Variants in CDH6 observed in about 807,000 individuals in gnomAD.
CDH6 encodes the protein cadherin 6.
Under a neutral mutation model 78.0 loss-of-function variants are expected in CDH6, and 31 were observed. The ratio of observed to expected loss-of-function variants is 0.40; its 90% CI spans 0.30 to 0.54. The LOEUF (loss-of-function observed/expected upper bound fraction) is 0.54. CDH6 is among the 20% of genes least tolerant of loss of function. The pLI is 0.56. For missense variants in CDH6, 724 were observed against 975.9 expected, an observed-to-expected ratio of 0.74 and a Z score of 3.44; for synonymous variants, 376 against 368.8, an observed-to-expected ratio of 1.02 and a Z score of -0.23.
At chr5:31,198,062 T>A (rs1297778160) in intron 1 of CDH6, among the ~76,000 whole-genome samples, 1 of 152,088 alleles carries the variant, frequency 6.6e-6, no homozygotes, top group Non-Finnish European at 1.5e-5. Flanking sequence ...TTCAAAGAAG[T>A]GGTGCATTCA....
At chr5:31,318,299 C>A in intron 11 of CDH6, 1 of 410,600 alleles carries the variant, frequency 2.4e-6, no homozygotes, top group South Asian at 6.4e-5. Context: ...ATGATGAGGG[C>A]CCTTTCTATA....
At chr5:31,309,317 T>C (rs1738082850) in intron 7 of CDH6, among the ~76,000 whole-genome samples, 1 of 152,188 alleles carries the variant, frequency 6.6e-6, no homozygotes, top group African/African-American at 2.4e-5. Context: ...AGATAAAATA[T>C]ATTGTTCATT....
chr5:31,274,597 A>G (rs1211865606), intron 2 of CDH6, among the ~76,000 whole-genome samples: 1 of 152,220 alleles, frequency 6.6e-6, no homozygotes, highest in African/African-American at 2.4e-5. Context: ...AGGCAGGCAT[A>G]TCACTTGAGG....
At chr5:31,229,115 C>T (rs1246353427) in intron 1 of CDH6, among the ~76,000 whole-genome samples, 6 of 152,308 alleles carry the variant, frequency 3.9e-5, no homozygotes, top group East Asian at 3.9e-4. Flanking sequence ...ACTGCCCAAA[C>T]TATATCATTT....
rs188353947 is a variant in CDH6 at position 31,321,509 on chromosome 5, T to C, written c.1883-1309T>C. ...AAAATGGGGTTTTAATGATGGTATC[T>C]ACTTGTAGGGCTATTATGATAATTA... On this transcript the variant is annotated intron_variant, in intron 11 of 11. Transcript: ENST00000265071. 5.3e-5 allele frequency among the ~76,000 whole-genome samples: 8 copies of C among 152,324 alleles called. No homozygotes were observed. The East Asian group carries it at 1.3e-3, about 26-fold the overall frequency.
At position 31,297,175 on chromosome 5, in the gene CDH6, G is replaced by A. The variant is rs940299792; in HGVS notation, c.524-114G>A. ...CACCCAGCATCCTACCAAAGTTCTC[G>A]ACTTCCTCAGCATGATATTTCCATA... On this transcript the variant is annotated intron_variant, in intron 3 of 11. Coordinates refer to ENST00000265071, the MANE Select transcript of CDH6 (RefSeq NM_004932.4). 43 of 878,600 alleles carry A rather than the reference G, an allele frequency of 4.9e-5. No homozygotes were observed. The African/African-American group carries it at 6.3e-4, about 13-fold the overall frequency. 54.4% of individuals were successfully genotyped at this position (878,600 alleles called of 1,614,324 possible). A position where few individuals can be genotyped will look rare whatever the true frequency, so the allele number is the denominator to read the frequency against.
intron 1 of CDH6, among the ~76,000 whole-genome samples, chr5:31,258,491 G>A (rs368238723): frequency 3.3e-5 from 5 of 152,276 alleles, no homozygotes; most frequent in Non-Finnish European, 5.9e-5. Flanking sequence ...CTGTTTGTGG[G>A]TGAGGGGCTA....
At chr5:31,206,605 G>A (rs1285498635) in intron 1 of CDH6, among the ~76,000 whole-genome samples, 1 of 152,170 alleles carries the variant, frequency 6.6e-6, no homozygotes, top group Non-Finnish European at 1.5e-5. Context: ...GAGGGCCCCT[G>A]TGCTCAGTTC....
intron 1 of CDH6, among the ~76,000 whole-genome samples, chr5:31,240,513 A>G (rs1182009813): frequency 6.6e-6 from 1 of 152,126 alleles, no homozygotes; most frequent in East Asian, 1.9e-4. Flanking sequence ...CTTGAAGCAG[A>G]AAATATGAGG....
intron 1 of CDH6, among the ~76,000 whole-genome samples, chr5:31,207,061 C>T (rs1740546424): frequency 6.6e-6 from 1 of 152,106 alleles, no homozygotes; most frequent in African/African-American, 2.4e-5. Context: ...TCACTCTACA[C>T]AAGAAGACTA....
At chr5:31,235,446 T>C (rs1357104526) in intron 1 of CDH6, among the ~76,000 whole-genome samples, 7 of 152,126 alleles carry the variant, frequency 4.6e-5, no homozygotes, top group African/African-American at 1.4e-4. Flanking sequence ...TTCTAATACA[T>C]TTAGAGTCTT....
rs1347800687 is a variant in CDH6 at position 31,294,466 on chromosome 5, GGGTCT to G, written c.523+212_523+216del. Among the ~76,000 whole-genome samples the G allele has an allele frequency of 5.9e-5, 9 of 152,140 alleles. No individual in the cohort carries two copies. Among genetic ancestry groups the G allele is most frequent in the Non-Finnish European group, 1.3e-4 (9 of 68,032 alleles). ...TTAAAAACCACATTTCCTCTAAAGA[GGGTCT>G]GAAAAGTGGCAGGGTGGGAGTGGGA... On this transcript the variant is annotated intron_variant, in intron 3 of 11. Transcript: ENST00000265071. This position sits in a 1 kb window ranked among gnomAD's most constrained non-coding sequence, Gnocchi z 4.1.
intron 1 of CDH6, among the ~76,000 whole-genome samples, chr5:31,241,071 T>C (rs1741589733): frequency 6.6e-6 from 1 of 152,232 alleles, no homozygotes; most frequent in Admixed American, 6.5e-5. Context: ...TCCCTTTTCC[T>C]CATTTCCATG....
intron 2 of CDH6, among the ~76,000 whole-genome samples, chr5:31,293,651 G>A (rs1198317157): frequency 6.6e-6 from 1 of 152,068 alleles, no homozygotes; most frequent in Non-Finnish European, 1.5e-5. Context: ...TCTCATTCCA[G>A]CCACCCTAAT....
chr5:31,317,886 C>T lies in CDH6; in HGVS notation c.1844C>T (p.Ala615Val). The change falls in exon 11 of 12, where the codon GCT (alanine) becomes GTT (valine). Residue 615 changes from alanine (A) to valine (V), a missense_variant. Around this residue, in one of 3 missense-constraint regions of CDH6, gnomAD observed 220 missense variants for 240.6 expected, o/e 0.91. Transcript: ENST00000265071. Reference protein sequence around the residue: ...LIHPTGLSTGALVAILLCIVI... With the variant: ...LIHPTGLSTGVLVAILLCIVI... ...CACCCCACGGGACTGAGCACGGGGG[C>T]TCTGGTTGCCATCCTTCTGTGCATC... 1 of 1,613,948 alleles carries T rather than the reference C, an allele frequency of 6.2e-7. No homozygotes were observed. Among genetic ancestry groups the T allele is most frequent in the Non-Finnish European group, 8.5e-7 (1 of 1,180,022 alleles).
chr5:31,240,683 C>T (rs1205762283), intron 1 of CDH6, among the ~76,000 whole-genome samples: 1 of 152,138 alleles, frequency 6.6e-6, no homozygotes, highest in Admixed American at 6.5e-5. Flanking sequence ...ATTTTTTCCA[C>T]AATTAGAAGA....
Position 31,317,798 on chromosome 5 carries a change from G to A in CDH6, c.1756G>A (p.Val586Ile). The change falls in exon 11 of 12, where the codon GTC becomes ATC. Residue 586 changes from valine to isoleucine, a missense_variant. Transcript: ENST00000265071. ...TCAAAGCAGCACTGGGACAGTGACT[G>A]TCCGGGTCTGTGCATGTGACCACCA... ...PVQSSTGTVT[V>I]RVCACDHHGN... 6.2e-7 allele frequency: 1 copy of A among 1,614,180 alleles called. No individual in the cohort carries two copies. The highest frequency in any genetic ancestry group is 8.5e-7 in the Non-Finnish European group (1 of 1,180,042).
At chr5:31,247,099 A>C (rs1337919534) in intron 1 of CDH6, among the ~76,000 whole-genome samples, 1 of 152,166 alleles carries the variant, frequency 6.6e-6, no homozygotes, top group Non-Finnish European at 1.5e-5. Context: ...CATACCTTTC[A>C]GGGATCTTAA....
At chr5:31,269,265 T>TAA (rs58366711) in intron 2 of CDH6, among the ~76,000 whole-genome samples, 136 of 138,464 alleles carry the variant, frequency 9.8e-4, no homozygotes, top group Non-Finnish European at 1.0e-3. Flanking sequence ...CACATATTCT[T>TAA]AAAAAAAAAA....
Sources: gnomAD v4.1 joint callset for allele counts (sites outside exome capture counted in the v4.1 genomes callset) on GRCh38, gnomAD v4.1.1 for gene constraint, gnomAD v4.1.1 regional missense constraint, Gnocchi (gnomAD v3.1) non-coding constraint, MANE v1.5 for transcripts, NCBI Gene and HGNC (gene_info 2026-07-23, HGNC 2026-07-21) for gene names.